The following COG7 variants were observed in gnomAD, a reference collection of about 807,000 sequenced individuals.
The protein encoded by COG7 is conserved oligomeric Golgi complex subunit 7.
In COG7, 49 loss-of-function variants were observed where a neutral mutation model predicts 91.5. That is an observed-to-expected ratio of 0.54 (90% CI 0.43 to 0.68). COG7 has a LOEUF of 0.68. Ranked by LOEUF, COG7 falls within the 30% of genes least tolerant of loss-of-function variation. The pLI, the probability that COG7 is intolerant of heterozygous loss-of-function variation, is 0.00. For synonymous variants in COG7, 365 were observed against 388.7 expected, an observed-to-expected ratio of 0.94 and a Z score of 0.72; for missense variants, 895 against 961.3, an observed-to-expected ratio of 0.93 and a Z score of 0.91.
At chr16:23,398,198 A>C in intron 13 of COG7, 69 bp from the exon 14 acceptor site, 1 of 1,260,040 alleles carries the variant, frequency 7.9e-7, no homozygotes, top group Non-Finnish European at 1.2e-6. Context: ...CCACCCAGAA[A>C]TACACAAGAA....
At chr16:23,436,619 C>T (rs746709605) in intron 4 of COG7, among the ~76,000 whole-genome samples, 123 of 152,100 alleles carry the variant, frequency 8.1e-4, no homozygotes, top group Non-Finnish European at 1.4e-3. Flanking sequence ...CCTGTAATCC[C>T]AGCTACTCCA....
intron 3 of COG7, 75 bp from the exon 4 acceptor site, chr16:23,442,720 T>A: frequency 7.7e-7 from 1 of 1,306,576 alleles, no homozygotes; most frequent in Non-Finnish European, 1.1e-6. Flanking sequence ...ATAAAATACA[T>A]GAAAAGGCAA....
chr16:23,452,708 C>T, intron 1 of COG7, 118 bp downstream of exon 1: 1 of 1,475,224 alleles, frequency 6.8e-7, no homozygotes, highest in Non-Finnish European at 9.0e-7. Flanking sequence ...GCTCTTTTGC[C>T]GAGGGTATTT....
intron 16 of COG7, chr16:23,391,771 C>G (rs917400288): frequency 5.9e-5 from 10 of 168,402 alleles, no homozygotes; most frequent in Admixed American, 1.6e-4. Flanking sequence ...GCCCCATGCT[C>G]AGAGTACACC....
intron 8 of COG7, chr16:23,417,394 T>A (rs1963674960): frequency 2.1e-6 from 1 of 483,626 alleles, no homozygotes; most frequent in Non-Finnish European, 3.8e-6. Context: ...CCTCTTTTTC[T>A]GTGATTATTA....
chr16:23,445,062 T>G lies in COG7; in HGVS notation c.421A>C (p.Thr141Pro). The G allele has an allele frequency of 6.2e-7, 1 of 1,613,334 alleles. No individual in the cohort carries two copies. The highest frequency in any genetic ancestry group is 8.5e-7 in the Non-Finnish European group (1 of 1,179,324). The part of the protein sequence containing the change: ...WSTLSADIEE[T>P]FKTQDIAVIS... ...AAGAAACCTACCTGAGTCTTAAATG[T>G]CTCCTCAATATCGGCGCTCAACGTG... The change falls in exon 3 of 17, where the codon ACA becomes CCA. Residue 141 changes from threonine (T) to proline (P), a missense_variant. Coordinates refer to ENST00000307149, the MANE Select transcript of COG7 (RefSeq NM_153603.4).
chr16:23,443,220 AT>A (rs745319741), intron 3 of COG7, among the ~76,000 whole-genome samples: 9 of 152,170 alleles, frequency 5.9e-5, no homozygotes, highest in Non-Finnish European at 1.3e-4. Context: ...CTGGAAGGCA[AT>A]TTAGCAATAT....
intron 4 of COG7, 63 bp downstream of exon 4, chr16:23,442,414 G>A: frequency 6.9e-7 from 1 of 1,442,554 alleles, no homozygotes; most frequent in Non-Finnish European, 9.7e-7. Context: ...AAAAACTGAA[G>A]ACTTACAAGG....
At chr16:23,449,666 G>T (rs1424787046) in intron 1 of COG7, among the ~76,000 whole-genome samples, 1 of 149,874 alleles carries the variant, frequency 6.7e-6, no homozygotes, top group African/African-American at 2.4e-5. Context: ...GCTTGAACCC[G>T]AGAGGCGGAG....
intron 6 of COG7, among the ~76,000 whole-genome samples, chr16:23,430,828 A>T (rs1963923056): frequency 6.6e-6 from 1 of 152,044 alleles, no homozygotes; most frequent in African/African-American, 2.4e-5. Flanking sequence ...GGTGTGAAAC[A>T]CCACGCCCAG....
intron 13 of COG7, among the ~76,000 whole-genome samples, chr16:23,398,667 T>G (rs757074511): frequency 2.0e-5 from 3 of 152,162 alleles, no homozygotes; most frequent in Non-Finnish European, 4.4e-5. Flanking sequence ...TCGGCAATAC[T>G]GCTTTACCTC....
At chr16:23,413,149 C>T (rs1422339745) in intron 10 of COG7, 2 of 358,064 alleles carry the variant, frequency 5.6e-6, no homozygotes, top group South Asian at 2.4e-5. Flanking sequence ...AAACTATACG[C>T]TAAGGTGGGG....
At chr16:23,448,253 A>C (rs1238028337) in intron 1 of COG7, among the ~76,000 whole-genome samples, 1 of 152,148 alleles carries the variant, frequency 6.6e-6, no homozygotes, top group Non-Finnish European at 1.5e-5. Flanking sequence ...TCGCAGGCTG[A>C]TCCCGATCTA....
rs997798459 is a variant in COG7 at position 23,441,413 on chromosome 16, G to A, written c.604+1064C>T. Among the ~76,000 whole-genome samples, 5 of 152,002 alleles carry A rather than the reference G, an allele frequency of 3.3e-5. No individual in the cohort carries two copies. In the South Asian group the frequency reaches 1.0e-3, roughly 32 times the overall value. ...GACATGGTGAAACCTCATCTCTACT[G>A]AAAATATAAAAATTAGCCAGGTGTG... is the stretch of plus-strand genomic sequence containing the variant. On this transcript the variant is annotated intron_variant, in intron 4 of 16. Coordinates refer to ENST00000307149, the MANE Select transcript of COG7 (RefSeq NM_153603.4).
chr16:23,391,680 G>A (rs1963198152), intron 16 of COG7, among the ~76,000 whole-genome samples: 3 of 152,206 alleles, frequency 2.0e-5, no homozygotes, highest in African/African-American at 7.2e-5. Context: ...CACCCCGAGA[G>A]GTGCGTTAGG....
At chr16:23,448,248 G>C (rs558880602) in intron 1 of COG7, among the ~76,000 whole-genome samples, 6 of 152,226 alleles carry the variant, frequency 3.9e-5, no homozygotes. Flanking sequence ...GTCTTTCGCA[G>C]GCTGATCCCG....
chr16:23,443,226 C>T (rs543448806), intron 3 of COG7, among the ~76,000 whole-genome samples: 1 of 151,900 alleles, frequency 6.6e-6, no homozygotes, highest in East Asian at 1.9e-4. Context: ...GGCAATTTAG[C>T]AATATGTGCT....
intron 16 of COG7, 138 bp downstream of exon 16, chr16:23,392,242 T>C: frequency 1.3e-6 from 2 of 1,525,280 alleles, no homozygotes; most frequent in South Asian, 2.4e-5. Context: ...AACCTGAATT[T>C]TCAACCAGCT....
chr16:23,442,319 G>C (rs955210833), intron 4 of COG7, among the ~76,000 whole-genome samples, 158 bp downstream of exon 4: 1 of 123,570 alleles, frequency 8.1e-6, no homozygotes, highest in Admixed American at 9.4e-5. Context: ...CGGTGACAGA[G>C]AAAGACTCCG....
Sources: gnomAD v4.1 joint callset for allele counts (sites outside exome capture counted in the v4.1 genomes callset) on GRCh38, gnomAD v4.1.1 for gene constraint, MANE v1.5 for transcripts, NCBI Gene and HGNC (gene_info 2026-07-23, HGNC 2026-07-21) for gene names.